Variants in MPRIP observed in about 807,000 individuals in gnomAD.
MPRIP encodes myosin phosphatase Rho-interacting protein.
A neutral mutation model predicts 234.9 loss-of-function variants in MPRIP; 59 were observed. The ratio of observed to expected loss-of-function variants is 0.25; its 90% CI spans 0.20 to 0.31. The LOEUF is 0.31. Ranked by LOEUF, MPRIP falls within the 10% of genes least tolerant of loss-of-function variation. The pLI is 1.00. For synonymous variants in MPRIP, 1,144 were observed against 1,263.9 expected, an observed-to-expected ratio of 0.91 and a Z score of 2.01; for missense variants, 2,436 against 3,071.0, an observed-to-expected ratio of 0.79 and a Z score of 4.89.
chr17:17,158,787 G>A lies in MPRIP; in HGVS notation c.2185G>A (p.Ala729Thr), dbSNP rs774964369. 1 of 1,611,750 alleles carries A rather than the reference G, an allele frequency of 6.2e-7. No individual in the cohort carries two copies. Among genetic ancestry groups the A allele is most frequent in the Admixed American group, 1.7e-5 (1 of 60,030 alleles). Residue 729 changes from alanine (A) to threonine (T), a missense_variant, in exon 14 of 24, where the codon GCC (alanine) becomes ACC (threonine). Transcript: ENST00000651222. ...AGACGGGCCAGGCACTGAGGATGCA[G>A]CCCTGCGCATGGAGGTGGACCGGAG... The part of the protein sequence containing the change: ...ATDGPGTEDA[A>T]LRMEVDRSPG...
chr17:17,106,271 CTCTTGG>C (rs1434152757), intron 3 of MPRIP, among the ~76,000 whole-genome samples: 1 of 152,230 alleles, frequency 6.6e-6, no homozygotes, highest in Non-Finnish European at 1.5e-5. Context: ...GATTCCTACA[CTCTTGG>C]TCTTTTCCAG....
chr17:17,177,471 G>T (rs878857232), intron 22 of MPRIP, 59 bp downstream of exon 22: 5 of 1,564,736 alleles, frequency 3.2e-6, no homozygotes, highest in East Asian at 2.3e-5. Context: ...GGGTTTGGTC[G>T]TAGAGGTTTC....
chr17:17,113,459 A>G (rs1459445526), intron 3 of MPRIP, among the ~76,000 whole-genome samples: 1 of 152,238 alleles, frequency 6.6e-6, no homozygotes, highest in Non-Finnish European at 1.5e-5. Context: ...TCCATAGTAT[A>G]GCACATACCA....
At chr17:17,094,187 A>G (rs2089786648) in intron 3 of MPRIP, among the ~76,000 whole-genome samples, 1 of 152,112 alleles carries the variant, frequency 6.6e-6, no homozygotes, top group Non-Finnish European at 1.5e-5. Context: ...CTCTTGAGAA[A>G]TGCACAGGGA....
intron 3 of MPRIP, among the ~76,000 whole-genome samples, chr17:17,118,695 G>A (rs780462634): frequency 2.0e-5 from 3 of 151,608 alleles, no homozygotes; most frequent in Admixed American, 1.3e-4. Flanking sequence ...GGCGTGGTTG[G>A]CCTAACACTT....
intron 1 of MPRIP, among the ~76,000 whole-genome samples, chr17:17,072,458 G>T (rs954743203): frequency 4.6e-5 from 7 of 152,140 alleles, no homozygotes; most frequent in African/African-American, 1.7e-4. Flanking sequence ...GGGTGGGGGT[G>T]GGGGGCAAGA....
chr17:17,064,210 T>TG (rs34052879), intron 1 of MPRIP, among the ~76,000 whole-genome samples: 12,165 of 151,114 alleles, frequency 0.081, 715 homozygotes, highest in East Asian at 0.16. Flanking sequence ...TGTTTTGTTT[T>TG]TTTTTTTTTG....
intron 3 of MPRIP, among the ~76,000 whole-genome samples, chr17:17,123,409 T>C (rs1246391935): frequency 6.6e-6 from 1 of 152,184 alleles, no homozygotes; most frequent in Non-Finnish European, 1.5e-5. Context: ...GCGCCTGTAA[T>C]GCCAGCACTG....
chr17:17,111,712 A>G (rs1206178235), intron 3 of MPRIP, among the ~76,000 whole-genome samples: 1 of 152,134 alleles, frequency 6.6e-6, no homozygotes, highest in Non-Finnish European at 1.5e-5. Context: ...GGAACTGCGG[A>G]CTGACTCAGC....
At position 17,158,446 on chromosome 17, in the gene MPRIP, A is replaced by C. The variant is rs551557602; in HGVS notation, c.1844A>C (p.Glu615Ala). The C allele has an allele frequency of 1.3e-6, 2 of 1,569,772 alleles. No homozygotes were observed. The highest frequency in any genetic ancestry group is 1.7e-6 in the Non-Finnish European group (2 of 1,157,926). The change falls in exon 14 of 24, where the codon GAA (glutamate) becomes GCA (alanine). Residue 615 changes from glutamate to alanine, a missense_variant. Glu to Ala is a moderately radical substitution (Grantham distance 107). This residue lies in a region of MPRIP where 1,998 missense variants were observed against 2,520.3 expected (regional missense o/e 0.79). Transcript: ENST00000651222. ...CTGCCCCACAGCTCGTTGCCAGAGG[A>C]AAAAAACAAGAGCAGCTGCTCTTTT... ...APDVTSSLPE[E>A]KNKSSCSFET...
intron 12 of MPRIP, among the ~76,000 whole-genome samples, chr17:17,151,199 G>T (rs933715440): frequency 3.3e-5 from 5 of 152,076 alleles, no homozygotes; most frequent in African/African-American, 1.2e-4. Flanking sequence ...CCAGTTGTGA[G>T]TCCGGAGGTT....
At chr17:17,143,709 C>T in intron 9 of MPRIP, 40 bp downstream of exon 9, 1 of 1,390,870 alleles carries the variant, frequency 7.2e-7, no homozygotes, top group Non-Finnish European at 1.0e-6. Flanking sequence ...CCGTGCTCCT[C>T]TGCTTCTGGT....
Position 17,094,307 on chromosome 17 carries a change from T to A in MPRIP, c.267+16231T>A, listed in dbSNP as rs80324340. ...AGATGGGACCTAATTTTCCTTGGAA[T>A]TTTGAAGGTGGTGTTCATTTTTTAA... On this transcript the variant is annotated intron_variant, in intron 3 of 23. Transcript: ENST00000651222. Among the ~76,000 whole-genome samples, 1,360 of 152,304 alleles carry A rather than the reference T, an allele frequency of 8.9e-3. 26 individuals are homozygous for A. Among genetic ancestry groups the A allele is most frequent in the African/African-American group, 0.03 (1,229 of 41,554 alleles).
chr17:17,111,990 G>T (rs547459231), intron 3 of MPRIP, among the ~76,000 whole-genome samples: 107 of 152,222 alleles, frequency 7.0e-4, no homozygotes, highest in Middle Eastern at 3.4e-3. Flanking sequence ...GTTCATTGTC[G>T]CATGACAGTC....
chr17:17,168,262 C>T (rs1448088035), intron 16 of MPRIP: 3 of 281,004 alleles, frequency 1.1e-5, no homozygotes, highest in Admixed American at 4.9e-5. Flanking sequence ...CTCCTTCCTG[C>T]CCCTGCCCCG....
chr17:17,172,392 T>C (rs997255038), intron 17 of MPRIP, among the ~76,000 whole-genome samples: 10 of 152,268 alleles, frequency 6.6e-5, no homozygotes. Context: ...TTGCTTGTTT[T>C]ATAAACTCAT....
intron 21 of MPRIP, among the ~76,000 whole-genome samples, chr17:17,177,040 C>T (rs921949664): frequency 6.6e-6 from 1 of 152,204 alleles, no homozygotes; most frequent in Non-Finnish European, 1.5e-5. Flanking sequence ...GATTATCCTG[C>T]CATGTCCTGA....
At chr17:17,139,839 G>T (rs112369917) in intron 7 of MPRIP, among the ~76,000 whole-genome samples, 3 of 152,322 alleles carry the variant, frequency 2.0e-5, no homozygotes, top group African/African-American at 7.2e-5. Context: ...GTGGTTCCCA[G>T]CCCCTGCCTA....
intron 1 of MPRIP, among the ~76,000 whole-genome samples, chr17:17,056,167 C>A (rs2088690069): frequency 6.6e-6 from 1 of 152,208 alleles, no homozygotes; most frequent in Non-Finnish European, 1.5e-5. Flanking sequence ...GGGCTGACCT[C>A]ATTTAGCTTT....
Sources: allele counts gnomAD v4.1 joint callset (sites outside exome capture counted in the v4.1 genomes callset), GRCh38; gene constraint gnomAD v4.1.1; regional missense constraint gnomAD v4.1.1; transcripts MANE v1.5; gene names NCBI Gene and HGNC (gene_info 2026-07-23, HGNC 2026-07-21).